The following IPO5 variants were observed in gnomAD, a reference collection of about 807,000 sequenced individuals.
IPO5 encodes the protein importin-5.
A neutral mutation model predicts 143.3 loss-of-function variants in IPO5; 18 were observed. That is an observed-to-expected ratio of 0.13 (90% CI 0.09 to 0.19). The LOEUF is 0.19. IPO5 is among the 10% of genes least tolerant of loss of function. The pLI, the probability that IPO5 is intolerant of heterozygous loss-of-function variation, is 1.00. For synonymous variants in IPO5, 477 were observed against 465.7 expected (o/e 1.02, Z -0.31); for missense variants, 1,013 against 1,336.9 (o/e 0.76, Z 3.78).
At chr13:98,000,677 G>A in intron 13 of IPO5, 32 bp downstream of exon 13, 1 of 1,410,624 alleles carries the variant, frequency 7.1e-7, no homozygotes, top group Non-Finnish European at 1.0e-6. Context: ...CTAGAAGAGT[G>A]AAGTTGTGCC....
chr13:97,989,769 A>G (rs556880817), intron 7 of IPO5, among the ~76,000 whole-genome samples: 50 of 152,284 alleles, frequency 3.3e-4, no homozygotes, highest in Middle Eastern at 6.8e-3. Flanking sequence ...CAGATTAGAG[A>G]ATGCAGATGG....
chr13:98,005,270 T>C (rs1889134042), intron 16 of IPO5, among the ~76,000 whole-genome samples: 1 of 151,970 alleles, frequency 6.6e-6, no homozygotes, highest in South Asian at 2.1e-4. Flanking sequence ...CAATCTCGGC[T>C]CACTGCAACC....
intron 12 of IPO5, among the ~76,000 whole-genome samples, chr13:98,000,074 G>T (rs555471352): frequency 2.0e-5 from 3 of 152,152 alleles, no homozygotes; most frequent in Admixed American, 2.0e-4. Flanking sequence ...CACAAAGTCA[G>T]GAGATCAAGA....
Position 97,976,802 on chromosome 13 carries a change from GC to G in IPO5, c.90+20del. Reference sequence around the variant, plus strand: ...ACAGGCAGAGGTAACCGAGTTCGCCGCCCCAGTCTTCGCGCCCTGGCCGGCG... The same window carrying G: ...ACAGGCAGAGGTAACCGAGTTCGCCGCCCAGTCTTCGCGCCCTGGCCGGCG... On this transcript the variant is annotated intron_variant, in intron 4 of 28. Coordinates refer to ENST00000651721, the MANE Select transcript of IPO5 (RefSeq NM_002271.6). 7 of 1,242,028 alleles carry G rather than the reference GC, an allele frequency of 5.6e-6. No individual in the cohort carries two copies. Among genetic ancestry groups the G allele is most frequent in the East Asian group, 4.8e-5 (1 of 20,832 alleles). The allele number at this position is 1,242,028 out of a possible 1,614,324, so 76.9% of individuals were successfully genotyped here.
chr13:98,019,490 A>G (rs1890340833), intron 26 of IPO5, 91 bp from the exon 27 acceptor site: 1 of 868,782 alleles, frequency 1.2e-6, no homozygotes, highest in Non-Finnish European at 1.8e-6. Flanking sequence ...CTTTACCATA[A>G]TCAATATCTG....
At chr13:98,002,804 A>G (rs1470119353) in intron 15 of IPO5, 31 bp downstream of exon 15, 4 of 1,595,562 alleles carry the variant, frequency 2.5e-6, no homozygotes, top group Non-Finnish European at 3.4e-6. Flanking sequence ...CACTTAAATC[A>G]GACTTTAGGA....
intron 9 of IPO5, among the ~76,000 whole-genome samples, chr13:97,991,520 T>G (rs987134022): frequency 1.3e-5 from 2 of 152,194 alleles, no homozygotes; most frequent in African/African-American, 4.8e-5. Flanking sequence ...GGAGTAGAAG[T>G]GTTTCGGATC....
intron 25 of IPO5, among the ~76,000 whole-genome samples, chr13:98,017,795 TTTTG>T (rs1310705649): frequency 1.1e-4 from 17 of 152,106 alleles, no homozygotes; most frequent in African/African-American, 2.9e-4. Flanking sequence ...TATTCAGTTT[TTTTG>T]TTTGTTTTGT....
intron 5 of IPO5, among the ~76,000 whole-genome samples, chr13:97,982,873 G>T (rs1041146562): frequency 6.6e-6 from 1 of 152,174 alleles, no homozygotes; most frequent in Non-Finnish European, 1.5e-5. Flanking sequence ...AAAGTGATTT[G>T]ATTTGATTGA....
At chr13:98,003,864 A>T (rs1347131920) in intron 16 of IPO5, among the ~76,000 whole-genome samples, 2 of 152,154 alleles carry the variant, frequency 1.3e-5, no homozygotes, top group Non-Finnish European at 2.9e-5. Flanking sequence ...AAAAAGATGA[A>T]AGAGAAGAAA....
chr13:98,018,598 G>A lies in IPO5; in HGVS notation c.2730G>A (p.Met910Ile), dbSNP rs763512741. ...FKYAEYFLRPMLQYVCDNSPE... is the reference protein window; with the variant it reads ...FKYAEYFLRPILQYVCDNSPE... ...ACGCAGAATATTTCTTAAGACCAAT[G>A]CTCCAATATGTATGTGACAACAGCC... is the stretch of plus-strand genomic sequence containing the variant. Residue 910 changes from methionine to isoleucine, a missense_variant, in exon 26 of 29, where the codon ATG becomes ATA. Transcript: ENST00000651721. 1 of 1,614,146 alleles carries A rather than the reference G, an allele frequency of 6.2e-7. No individual in the cohort carries two copies. The highest frequency in any genetic ancestry group is 8.5e-7 in the Non-Finnish European group (1 of 1,179,992).
At chr13:98,010,074 T>C in intron 19 of IPO5, 29 bp from the exon 20 acceptor site, 1 of 1,613,470 alleles carries the variant, frequency 6.2e-7, no homozygotes, top group Non-Finnish European at 8.5e-7. Flanking sequence ...TTATTTTTCA[T>C]ATGCATTTGT....
At chr13:97,993,364 A>G (rs1215724814) in intron 11 of IPO5, 139 bp downstream of exon 11, 18 of 714,770 alleles carry the variant, frequency 2.5e-5, no homozygotes, top group Non-Finnish European at 3.9e-5. Flanking sequence ...GGGAAAATGC[A>G]TCTCAATACA....
At position 98,002,983 on chromosome 13, in the gene IPO5, C is replaced by T; in HGVS notation, c.1443C>T (p.Tyr481=). 6.2e-7 allele frequency: 1 copy of T among 1,613,866 alleles called. No individual in the cohort carries two copies. Among genetic ancestry groups the T allele is most frequent in the Non-Finnish European group, 8.5e-7 (1 of 1,179,816 alleles). ...EDCPKSLLIP[Y]LDNLVKHLHS... ...GTCCCAAGTCACTACTTATTCCATACTTGGATAATTTGGTGAAACATCTGC... is the reference window on the plus strand; with the variant it reads ...GTCCCAAGTCACTACTTATTCCATATTTGGATAATTTGGTGAAACATCTGC... The change falls in exon 16 of 29, where the codon TAC becomes TAT. Residue 481 remains tyrosine, a synonymous_variant. Coordinates refer to ENST00000651721, the MANE Select transcript of IPO5 (RefSeq NM_002271.6).
At chr13:97,990,672 A>G (rs1432350998) in intron 9 of IPO5, 135 bp downstream of exon 9, 5 of 527,440 alleles carry the variant, frequency 9.5e-6, no homozygotes, top group Admixed American at 3.8e-5. Flanking sequence ...AAACATGCAA[A>G]TCTCAGTCTC....
intron 21 of IPO5, among the ~76,000 whole-genome samples, chr13:98,013,084 T>TC (rs1054481601): frequency 1.3e-5 from 2 of 152,032 alleles, no homozygotes; most frequent in Non-Finnish European, 2.9e-5. Context: ...TGACACAGGG[T>TC]CTCACTCTGT....
In IPO5 at chr13:97,993,092, G is replaced by T; in HGVS notation, c.793-13G>T. 3 of 1,613,778 alleles carry T rather than the reference G, an allele frequency of 1.9e-6. No homozygotes were observed. The highest frequency in any genetic ancestry group is 2.5e-6 in the Non-Finnish European group (3 of 1,179,820). ...TAAATTATTAAATGTATACAAATAT[G>T]TCTTCTTTGTAGTTGTGTGGAGACA... On this transcript the variant is annotated splice_polypyrimidine_tract_variant and intron_variant, in intron 10 of 28. Transcript: ENST00000651721.
intron 16 of IPO5, among the ~76,000 whole-genome samples, chr13:98,003,304 A>C (rs1040126005): frequency 1.3e-5 from 2 of 152,204 alleles, no homozygotes; most frequent in Non-Finnish European, 2.9e-5. Flanking sequence ...AAGGCAGAGA[A>C]GTTTTTGAAC....
chr13:98,016,524 C>T (rs1310268435), intron 24 of IPO5, among the ~76,000 whole-genome samples: 1 of 152,134 alleles, frequency 6.6e-6, no homozygotes, highest in Non-Finnish European at 1.5e-5. Flanking sequence ...CTTTGTCTTT[C>T]GAGGTAAGAC....
Sources: gnomAD v4.1 joint callset for allele counts (sites outside exome capture counted in the v4.1 genomes callset) on GRCh38, gnomAD v4.1.1 for gene constraint, MANE v1.5 for transcripts, NCBI Gene and HGNC (gene_info 2026-07-23, HGNC 2026-07-21) for gene names.